Variants in SCAPER observed in about 807,000 individuals in gnomAD.
SCAPER encodes S-phase cyclin A associated protein in the ER.
Under a neutral mutation model 182.2 loss-of-function variants are expected in SCAPER, and 98 were observed. The observed-to-expected ratio is 0.54, with a 90% confidence interval of 0.46 to 0.64. The LOEUF is 0.64. Among genes scored for constraint, SCAPER ranks in the 30% least tolerant of loss-of-function variants. The probability of loss-of-function intolerance (pLI) is 0.00; values close to 1 mark genes in which losing one functional copy is unlikely to be tolerated. For synonymous variants in SCAPER, 605 were observed against 564.6 expected (o/e 1.07, Z -1.01); for missense variants, 1,432 against 1,690.0 (o/e 0.85, Z 2.68).
At chr15:76,683,961 C>A (rs2057885265) in intron 20 of SCAPER, among the ~76,000 whole-genome samples, 1 of 151,958 alleles carries the variant, frequency 6.6e-6, no homozygotes, top group South Asian at 2.1e-4. Flanking sequence ...TCACATGCAG[C>A]CCAACTAAGC....
At chr15:76,531,597 G>A (rs529240699) in intron 23 of SCAPER, among the ~76,000 whole-genome samples, 2 of 151,962 alleles carry the variant, frequency 1.3e-5, no homozygotes, top group Non-Finnish European at 2.9e-5. Context: ...TTTGTAAAAT[G>A]AGCATAAGAA....
At chr15:76,641,537 G>A (rs116523957) in intron 21 of SCAPER, among the ~76,000 whole-genome samples, 2,362 of 152,120 alleles carry the variant, frequency 0.016, 63 homozygotes, top group African/African-American at 0.055. Context: ...ATCCGCCTGG[G>A]AACAAAGAGA....
chr15:76,505,365 C>G (rs1184188575), intron 23 of SCAPER, among the ~76,000 whole-genome samples: 1 of 152,008 alleles, frequency 6.6e-6, no homozygotes, highest in Non-Finnish European at 1.5e-5. Flanking sequence ...GGATTAACAA[C>G]CAGAATATAT....
chr15:76,831,865 G>A (rs1008296685), intron 5 of SCAPER, among the ~76,000 whole-genome samples: 5 of 152,262 alleles, frequency 3.3e-5, no homozygotes, highest in Middle Eastern at 6.8e-3. Context: ...CACAGCACAG[G>A]AGTGCTGTGC....
chr15:76,810,728 T>G (rs899833686), intron 5 of SCAPER, among the ~76,000 whole-genome samples: 2 of 152,054 alleles, frequency 1.3e-5, no homozygotes, highest in African/African-American at 4.8e-5. Context: ...TGTGACTAAA[T>G]TATTTGGGGT....
At chr15:76,862,587 A>G in intron 2 of SCAPER, 54 bp from the exon 3 acceptor site, 1 of 1,119,138 alleles carries the variant, frequency 8.9e-7, no homozygotes, top group Non-Finnish European at 1.3e-6. Context: ...CAAAATATAT[A>G]TTTAACAAAG....
intron 25 of SCAPER, among the ~76,000 whole-genome samples, chr15:76,468,696 G>A (rs2049886964): frequency 1.3e-5 from 2 of 152,064 alleles, no homozygotes; most frequent in Non-Finnish European, 2.9e-5. Flanking sequence ...CTCTATACAG[G>A]CTGCTATCAT....
At chr15:76,840,207 C>G (rs1278689028) in intron 5 of SCAPER, among the ~76,000 whole-genome samples, 1 of 152,028 alleles carries the variant, frequency 6.6e-6, no homozygotes, top group Admixed American at 6.6e-5. Flanking sequence ...CGCTTGAGCC[C>G]AGGAGTTCAA....
At chr15:76,522,415 A>C (rs1050399631) in intron 23 of SCAPER, among the ~76,000 whole-genome samples, 1 of 152,142 alleles carries the variant, frequency 6.6e-6, no homozygotes, top group East Asian at 1.9e-4. Context: ...GTTCATCTTC[A>C]AATAATAAAC....
chr15:76,617,704 T>A (rs562571843), intron 22 of SCAPER, among the ~76,000 whole-genome samples: 1 of 152,118 alleles, frequency 6.6e-6, no homozygotes, highest in Admixed American at 6.5e-5. Context: ...ACAGAAACCA[T>A]AGACCCGTGA....
intron 27 of SCAPER, among the ~76,000 whole-genome samples, chr15:76,391,270 G>A (rs2043675507): frequency 6.6e-6 from 1 of 152,122 alleles, no homozygotes; most frequent in Non-Finnish European, 1.5e-5. Context: ...CACTTCGTCT[G>A]CAGAAGCCCT....
chr15:76,590,312 T>C (rs1485168872), intron 22 of SCAPER, among the ~76,000 whole-genome samples: 1 of 152,228 alleles, frequency 6.6e-6, no homozygotes, highest in Non-Finnish European at 1.5e-5. Flanking sequence ...CAAGTTTATA[T>C]ATTTGAATAA....
At chr15:76,539,916 T>C (rs577914392) in intron 23 of SCAPER, among the ~76,000 whole-genome samples, 3 of 152,272 alleles carry the variant, frequency 2.0e-5, no homozygotes, top group South Asian at 2.1e-4. Flanking sequence ...TAATGGTATA[T>C]GTAAAGGGAT....
rs201658000 is a variant in SCAPER at position 76,376,173 on chromosome 15, G to T, written c.3844C>A (p.Pro1282Thr). 273 of 1,613,964 alleles carry T rather than the reference G, an allele frequency of 1.7e-4. No individual in the cohort carries two copies. The highest frequency in any genetic ancestry group is 2.5e-4 in the South Asian group (23 of 91,082). Residue 1282 changes from proline (P) to threonine (T), a missense_variant, in exon 29 of 32, where the codon CCA becomes ACA. Around this residue, in one of 5 missense-constraint regions of SCAPER, gnomAD observed 718 missense variants for 799.7 expected, o/e 0.90. Transcript: ENST00000563290. ...CCAGGGCCTCTTACCTGGTTATCTGGGTGGTTGACAGTGAAGTAGCCCACA... is the reference window on the plus strand; with the variant it reads ...CCAGGGCCTCTTACCTGGTTATCTGTGTGGTTGACAGTGAAGTAGCCCACA... ...VCVGYFTVNH[P>T]DNQVIVQSGR... is the part of the protein sequence containing the mutation.
At position 76,513,502 on chromosome 15, in the gene SCAPER, G is replaced by T. The variant is rs73444286; in HGVS notation, c.2839-8528C>A. ...AGAAAAAAACCTTCGCAAGCATGTG[G>T]CGTTAAATACCTTATATGCAAATCT... On this transcript the variant is annotated intron_variant, in intron 23 of 31. Transcript: ENST00000563290. Among the ~76,000 whole-genome samples, 680 of 152,296 alleles carry T rather than the reference G, an allele frequency of 4.5e-3. 7 individuals carry two copies. The highest frequency in any genetic ancestry group is 0.016 in the African/African-American group (648 of 41,556).
At chr15:76,808,593 CAAGG>C (rs993043690) in intron 5 of SCAPER, among the ~76,000 whole-genome samples, 2 of 152,198 alleles carry the variant, frequency 1.3e-5, no homozygotes, top group Non-Finnish European at 2.9e-5. Context: ...ATTTCTCCCT[CAAGG>C]AAACTGACTA....
At chr15:76,772,756 T>C (rs1030898297) in intron 9 of SCAPER, among the ~76,000 whole-genome samples, 1 of 151,972 alleles carries the variant, frequency 6.6e-6, no homozygotes, top group African/African-American at 2.4e-5. Flanking sequence ...AGTCAAGCCT[T>C]TATTTTTACT....
At chr15:76,497,471 C>G (rs1043359630) in intron 24 of SCAPER, among the ~76,000 whole-genome samples, 3 of 151,620 alleles carry the variant, frequency 2.0e-5, no homozygotes, top group Non-Finnish European at 4.4e-5. Flanking sequence ...ATGCCTAGAA[C>G]AAGTAGTATT....
rs527749644 is a variant in SCAPER at position 76,608,307 on chromosome 15, C to G, written c.2711+13457G>C. Among the ~76,000 whole-genome samples the G allele has an allele frequency of 1.1e-3, 169 of 152,300 alleles. 1 individual carries two copies. The Middle Eastern group carries it at 0.024, about 21-fold the overall frequency. On this transcript the variant is annotated intron_variant, in intron 22 of 31. Transcript: ENST00000563290. ...CTCCAGACACTGTTTGCCTGGGTAT[C>G]AGCAGCGGTGGCTGCAGAACAGCGG...
Sources: gnomAD v4.1 joint callset for allele counts (sites outside exome capture counted in the v4.1 genomes callset) on GRCh38, gnomAD v4.1.1 for gene constraint, gnomAD v4.1.1 regional missense constraint, MANE v1.5 for transcripts, NCBI Gene and HGNC (gene_info 2026-07-23, HGNC 2026-07-21) for gene names.